The following ADGRB3 variants were observed in gnomAD, a reference collection of about 807,000 sequenced individuals.
ADGRB3 encodes the protein brain-specific angiogenesis inhibitor 3.
A neutral mutation model predicts 193.4 loss-of-function variants in ADGRB3; 37 were observed. That is an observed-to-expected ratio of 0.19 (90% CI 0.15 to 0.25). The LOEUF (loss-of-function observed/expected upper bound fraction) is 0.25. Ranked by LOEUF, ADGRB3 falls within the 10% of genes least tolerant of loss-of-function variation. The pLI, the probability that ADGRB3 is intolerant of heterozygous loss-of-function variation, is 1.00. For synonymous variants in ADGRB3, 690 were observed against 644.2 expected (o/e 1.07, Z -1.08); for missense variants, 1,637 against 1,852.9 (o/e 0.88, Z 2.14).
chr6:68,951,765 G>A (rs1418906749), intron 6 of ADGRB3, among the ~76,000 whole-genome samples: 2 of 152,124 alleles, frequency 1.3e-5, no homozygotes, highest in East Asian at 3.9e-4. Context: ...ATGACCCTGA[G>A]AGGTCCCTCT....
intron 15 of ADGRB3, among the ~76,000 whole-genome samples, chr6:69,059,263 T>C (rs955238862): frequency 1.3e-5 from 2 of 152,136 alleles, no homozygotes; most frequent in East Asian, 1.9e-4. Flanking sequence ...TTGTTTGATA[T>C]AAGTGTAGCC....
chr6:69,335,871 T>C (rs1485520673), intron 24 of ADGRB3, among the ~76,000 whole-genome samples: 1 of 152,104 alleles, frequency 6.6e-6, no homozygotes, highest in Non-Finnish European at 1.5e-5. Flanking sequence ...TTTTTCTGTT[T>C]CTTTGTTCCC....
intron 3 of ADGRB3, among the ~76,000 whole-genome samples, chr6:68,909,229 A>T (rs1403744521): frequency 6.6e-6 from 1 of 152,160 alleles, no homozygotes; most frequent in Non-Finnish European, 1.5e-5. Context: ...TTGGTAGTGG[A>T]GTTGGTGGAC....
At chr6:68,706,432 C>G (rs572034256) in intron 3 of ADGRB3, among the ~76,000 whole-genome samples, 13 of 152,146 alleles carry the variant, frequency 8.5e-5, no homozygotes, top group Non-Finnish European at 1.9e-4. Context: ...TAAGAAAAAG[C>G]TTGTTACGAA....
At position 69,172,643 on chromosome 6, in the gene ADGRB3, C is replaced by CAAAA. The variant is rs70987454; in HGVS notation, c.2481-60621_2481-60618dup. Among the ~76,000 whole-genome samples the CAAAA allele has an allele frequency of 3.9e-3, 104 of 26,788 alleles. 3 individuals carry two copies. Among genetic ancestry groups the CAAAA allele is most frequent in the African/African-American group, 7.2e-3 (45 of 6,228 alleles). 17.6% of individuals were successfully genotyped at this position (26,788 alleles called of 152,430 possible). Reference sequence around the variant, plus strand: ...TGGGCGACAGAGCGAGACTCTGTCTCAAAAAAAAAAAAAAAAAAAAAAAAA... The same window carrying CAAAA: ...TGGGCGACAGAGCGAGACTCTGTCTCAAAAAAAAAAAAAAAAAAAAAAAAAAAAA... On this transcript the variant is annotated intron_variant, in intron 17 of 31. Coordinates refer to ENST00000370598, the MANE Select transcript of ADGRB3 (RefSeq NM_001704.3).
intron 3 of ADGRB3, among the ~76,000 whole-genome samples, chr6:68,927,758 A>G (rs909356207): frequency 4.6e-5 from 7 of 151,928 alleles, no homozygotes; most frequent in Non-Finnish European, 5.9e-5. Context: ...TTCCCATCTG[A>G]AAAAAAAGAA....
chr6:69,320,282 A>AT (rs980407636), intron 20 of ADGRB3, among the ~76,000 whole-genome samples: 2 of 151,408 alleles, frequency 1.3e-5, no homozygotes, highest in Admixed American at 6.6e-5. Context: ...TATTTTTAAA[A>AT]TTATATAAAT....
chr6:68,977,939 A>T (rs1003327218), intron 10 of ADGRB3, among the ~76,000 whole-genome samples: 2 of 151,532 alleles, frequency 1.3e-5, no homozygotes, highest in African/African-American at 4.8e-5. Flanking sequence ...CAACCTTCTG[A>T]ACTTTTGATA....
In ADGRB3 at chr6:69,307,476, A is replaced by G. The variant is rs938438246; in HGVS notation, c.2815-17396A>G. Among the ~76,000 whole-genome samples the G allele has an allele frequency of 2.0e-5, 3 of 151,670 alleles. No individual in the cohort carries two copies. In the South Asian group the frequency reaches 6.2e-4, roughly 31 times the overall value. ...ACATTTTGAGTTCTTGCAATATCTTATTTGAAATAACAAACAAGGAAAAGT... is the reference window on the plus strand; with the variant it reads ...ACATTTTGAGTTCTTGCAATATCTTGTTTGAAATAACAAACAAGGAAAAGT... On this transcript the variant is annotated intron_variant, in intron 20 of 31. Coordinates refer to ENST00000370598, the MANE Select transcript of ADGRB3 (RefSeq NM_001704.3).
At chr6:69,185,133 G>A (rs1471336489) in intron 17 of ADGRB3, among the ~76,000 whole-genome samples, 1 of 152,000 alleles carries the variant, frequency 6.6e-6, no homozygotes, top group Non-Finnish European at 1.5e-5. Context: ...CTTACGTTTT[G>A]TAGGAACAAG....
At chr6:69,109,834 A>G (rs1773319132) in intron 17 of ADGRB3, among the ~76,000 whole-genome samples, 1 of 152,162 alleles carries the variant, frequency 6.6e-6, no homozygotes, top group Admixed American at 6.5e-5. Context: ...TATGCAAAAA[A>G]TATTTTGAGA....
intron 15 of ADGRB3, among the ~76,000 whole-genome samples, chr6:69,060,585 A>G (rs2150307000): frequency 6.6e-6 from 1 of 152,208 alleles, no homozygotes; most frequent in South Asian, 2.1e-4. Flanking sequence ...ATAATTTAAT[A>G]ATAATTAAAA....
chr6:69,361,097 G>T lies in ADGRB3; in HGVS notation c.3824G>T (p.Ser1275Ile). 6 of 1,612,774 alleles carry T rather than the reference G, an allele frequency of 3.7e-6. No individual in the cohort carries two copies. Among genetic ancestry groups the T allele is most frequent in the Non-Finnish European group, 5.1e-6 (6 of 1,179,192 alleles). Residue 1275 changes from serine (S) to isoleucine (I), a missense_variant, in exon 29 of 32, where the codon AGT becomes ATT. Transcript: ENST00000370598. ...AATCCATGTTTGAAAAAAGAAAATA[G>T]TGAATTGCGGAGAACTGTGTACTTA... ...LSNPCLKKEN[S>I]ELRRTVYLCT...
chr6:69,073,690 G>A (rs561089263), intron 16 of ADGRB3, among the ~76,000 whole-genome samples: 2 of 152,216 alleles, frequency 1.3e-5, no homozygotes, highest in African/African-American at 2.4e-5. Flanking sequence ...TGGAAGTTCT[G>A]TCAGGGAGCC....
intron 3 of ADGRB3, among the ~76,000 whole-genome samples, chr6:68,653,763 C>T (rs1185398439): frequency 6.6e-6 from 1 of 151,936 alleles, no homozygotes; most frequent in African/African-American, 2.4e-5. Flanking sequence ...AACATTTATT[C>T]TAGCATGGTG....
intron 3 of ADGRB3, among the ~76,000 whole-genome samples, chr6:68,671,374 T>A (rs950415044): frequency 2.0e-5 from 3 of 152,058 alleles, no homozygotes; most frequent in Non-Finnish European, 4.4e-5. Context: ...CCATTCAATA[T>A]GATACTAGCT....
At chr6:68,767,275 A>T (rs1261100129) in intron 3 of ADGRB3, among the ~76,000 whole-genome samples, 1 of 152,058 alleles carries the variant, frequency 6.6e-6, no homozygotes, top group Non-Finnish European at 1.5e-5. Context: ...TAAGAGCTAC[A>T]CAATTTTTTC....
rs148779797 is a variant in ADGRB3, at chr6:68,992,877, A to G, written c.1735-891A>G. 8.8e-3 allele frequency among the ~76,000 whole-genome samples: 1,331 copies of G among 151,336 alleles called. 19 individuals are homozygous for G. The highest frequency in any genetic ancestry group is 0.031 in the African/African-American group (1,270 of 41,192). ...TGTACTTTAACCTTCCTATTTCACTATTTCTCTGGCCTGTTAATTATTGAT... is the reference window on the plus strand; with the variant it reads ...TGTACTTTAACCTTCCTATTTCACTGTTTCTCTGGCCTGTTAATTATTGAT... On this transcript the variant is annotated intron_variant, in intron 10 of 31. Coordinates refer to ENST00000370598, the MANE Select transcript of ADGRB3 (RefSeq NM_001704.3).
intron 26 of ADGRB3, among the ~76,000 whole-genome samples, chr6:69,349,195 C>T (rs1259331727): frequency 6.6e-6 from 1 of 152,162 alleles, no homozygotes; most frequent in African/African-American, 2.4e-5. Flanking sequence ...ACATAATGTC[C>T]CTTTCCTTCC....
Sources: gnomAD v4.1 joint callset for allele counts (sites outside exome capture counted in the v4.1 genomes callset) on GRCh38, gnomAD v4.1.1 for gene constraint, MANE v1.5 for transcripts, NCBI Gene and HGNC (gene_info 2026-07-23, HGNC 2026-07-21) for gene names.